The following GABRG3 variants were observed in gnomAD, a reference collection of about 807,000 sequenced individuals.
GABRG3 encodes gamma-aminobutyric acid receptor subunit gamma-3.
A neutral mutation model predicts 48.8 loss-of-function variants in GABRG3; 25 were observed. The observed-to-expected ratio is 0.51, with a 90% CI of 0.37 to 0.72. GABRG3 has a LOEUF of 0.72. GABRG3 is among the 30% of genes least tolerant of loss of function. The pLI is 0.00. For synonymous variants in GABRG3, 227 were observed against 217.6 expected, an observed-to-expected ratio of 1.04 and a Z score of -0.38; for missense variants, 394 against 577.9, an observed-to-expected ratio of 0.68 and a Z score of 3.26.
chr15:27,306,501 A>G (rs1024228204), intron 3 of GABRG3, among the ~76,000 whole-genome samples: 2 of 138,758 alleles, frequency 1.4e-5, no homozygotes, highest in Admixed American at 7.5e-5. Flanking sequence ...ATATAAACAT[A>G]TGTCTATATA....
intron 3 of GABRG3, among the ~76,000 whole-genome samples, chr15:27,289,117 T>C (rs1214512875): frequency 6.6e-6 from 1 of 152,214 alleles, no homozygotes; most frequent in African/African-American, 2.4e-5. Context: ...TTTTCACCTG[T>C]TTGATTATGA....
chr15:27,433,990 C>T (rs752687305), intron 5 of GABRG3, among the ~76,000 whole-genome samples: 1 of 152,178 alleles, frequency 6.6e-6, no homozygotes, highest in Non-Finnish European at 1.5e-5. Context: ...GGACTTTACA[C>T]GAGCTCTTTT....
intron 3 of GABRG3, among the ~76,000 whole-genome samples, chr15:27,307,029 CATGTATAAAATAAACATGTTT>C (rs1566769880): frequency 2.7e-5 from 3 of 109,638 alleles, no homozygotes; most frequent in African/African-American, 9.0e-5. Context: ...TATATATAAA[CATGTATAAAATAAACATGTTT>C]ATATATAAAC....
At chr15:27,316,393 A>C (rs916499967) in intron 3 of GABRG3, among the ~76,000 whole-genome samples, 19 of 151,018 alleles carry the variant, frequency 1.3e-4, no homozygotes, top group Admixed American at 2.0e-4. Flanking sequence ...GTCTCAAAAA[A>C]AAAAAAAAAA....
intron 3 of GABRG3, among the ~76,000 whole-genome samples, chr15:27,109,678 T>G (rs914701695): frequency 1.3e-5 from 2 of 152,094 alleles, no homozygotes; most frequent in African/African-American, 4.8e-5. Flanking sequence ...GACTCAGGAG[T>G]TTGAGACCAG....
chr15:27,160,831 T>C (rs1378221236), intron 3 of GABRG3, among the ~76,000 whole-genome samples: 2 of 152,152 alleles, frequency 1.3e-5, no homozygotes, highest in African/African-American at 4.8e-5. Context: ...AAGTTCTCTA[T>C]GGGCCTCATA....
At chr15:27,211,911 C>G (rs1407254775) in intron 3 of GABRG3, among the ~76,000 whole-genome samples, 3 of 152,138 alleles carry the variant, frequency 2.0e-5, no homozygotes, top group Admixed American at 1.3e-4. Flanking sequence ...ATGCCCATCC[C>G]CTGAGAAACT....
At chr15:27,315,977 C>T (rs148727694) in intron 3 of GABRG3, among the ~76,000 whole-genome samples, 99 of 152,234 alleles carry the variant, frequency 6.5e-4, no homozygotes, top group African/African-American at 2.2e-3. Context: ...TTTTTGTAAG[C>T]GTTTGTCTGA....
chr15:27,174,963 C>T (rs1887700084), intron 3 of GABRG3, among the ~76,000 whole-genome samples: 1 of 152,128 alleles, frequency 6.6e-6, no homozygotes, highest in South Asian at 2.1e-4. Flanking sequence ...TAGGTCGTCA[C>T]AGTTTCTAGA....
At chr15:27,096,745 A>G (rs912214579) in intron 3 of GABRG3, among the ~76,000 whole-genome samples, 1 of 150,990 alleles carries the variant, frequency 6.6e-6, no homozygotes, top group African/African-American at 2.4e-5. Context: ...TTCTTTTTGT[A>G]TTTGTTGTTG....
chr15:27,489,678 G>A (rs905430302), intron 6 of GABRG3, among the ~76,000 whole-genome samples: 4 of 152,046 alleles, frequency 2.6e-5, no homozygotes, highest in African/African-American at 9.7e-5. Context: ...GTCTTCTTTT[G>A]GGAAGTGTCT....
Position 27,447,619 on chromosome 15 carries a change from G to T in GABRG3, c.575-33031G>T, listed in dbSNP as rs1888980900. Reference sequence around the variant, plus strand: ...TACACATGCTGATGATGAGATAAAAGGACTGGATAAAGAAAACATGGCACA... The same window carrying T: ...TACACATGCTGATGATGAGATAAAATGACTGGATAAAGAAAACATGGCACA... On this transcript the variant is annotated intron_variant, in intron 5 of 9. Coordinates refer to ENST00000615808, the MANE Select transcript of GABRG3 (RefSeq NM_033223.5). The surrounding 1 kb of genome is among the most constrained non-coding windows in gnomAD (Gnocchi z 4.0). Among the ~76,000 whole-genome samples, 1 of 152,052 alleles carries T rather than the reference G, an allele frequency of 6.6e-6. No individual in the cohort carries two copies. The highest frequency in any genetic ancestry group is 1.5e-5 in the Non-Finnish European group (1 of 68,006).
In GABRG3 at chr15:27,306,827, TACA is replaced by T. The variant is rs1158249777; in HGVS notation, c.271-19980_271-19978del. On this transcript the variant is annotated intron_variant, in intron 3 of 9. Transcript: ENST00000615808. Reference sequence around the variant, plus strand: ...ATATAAACATGTTTATATATAAACATACAATATAAACATGTTTATATATAAACA... The same window carrying T: ...ATATAAACATGTTTATATATAAACATATATAAACATGTTTATATATAAACA... Among the ~76,000 whole-genome samples, 200 of 88,874 alleles carry T rather than the reference TACA, an allele frequency of 2.3e-3. 1 individual carries two copies. Among genetic ancestry groups the T allele is most frequent in the African/African-American group, 8.9e-3 (160 of 17,886 alleles). 58.3% of individuals were successfully genotyped at this position (88,874 alleles called of 152,430 possible).
chr15:27,451,352 G>A (rs1343157108), intron 5 of GABRG3, among the ~76,000 whole-genome samples: 1 of 151,934 alleles, frequency 6.6e-6, no homozygotes, highest in Non-Finnish European at 1.5e-5. Context: ...ACAAACCAAT[G>A]GAACAGAATA....
intron 3 of GABRG3, among the ~76,000 whole-genome samples, chr15:27,264,277 C>A (rs893529049): frequency 1.3e-5 from 2 of 151,954 alleles, no homozygotes; most frequent in African/African-American, 4.8e-5. Context: ...AAAAAAAAAT[C>A]AAACTCTAAA....
At chr15:27,477,864 C>T (rs1264144107) in intron 5 of GABRG3, among the ~76,000 whole-genome samples, 2 of 152,004 alleles carry the variant, frequency 1.3e-5, no homozygotes, top group South Asian at 2.1e-4. Flanking sequence ...CATGGTGAAA[C>T]CCCGTCTCTA....
intron 5 of GABRG3, among the ~76,000 whole-genome samples, chr15:27,378,732 AACAATTT>A (rs1895675565): frequency 1.3e-5 from 2 of 152,260 alleles, no homozygotes; most frequent in Non-Finnish European, 2.9e-5. Context: ...AGGCCAGGGC[AACAATTT>A]CACTGACTTT....
chr15:27,477,956 G>C (rs1889993623), intron 5 of GABRG3, among the ~76,000 whole-genome samples: 1 of 151,718 alleles, frequency 6.6e-6, no homozygotes, highest in Non-Finnish European at 1.5e-5. Flanking sequence ...TGAGGTAGGA[G>C]AATGGCGTGA....
intron 3 of GABRG3, among the ~76,000 whole-genome samples, chr15:27,315,872 T>G (rs988562673): frequency 6.6e-6 from 1 of 152,226 alleles, no homozygotes; most frequent in African/African-American, 2.4e-5. Flanking sequence ...TTTCTCCTTA[T>G]GTAGCTCAAG....
Sources: allele counts gnomAD v4.1 joint callset (sites outside exome capture counted in the v4.1 genomes callset), GRCh38; gene constraint gnomAD v4.1.1; non-coding constraint Gnocchi (gnomAD v3.1); transcripts MANE v1.5; gene names NCBI Gene and HGNC (gene_info 2026-07-23, HGNC 2026-07-21).